Variants in PDLIM5 observed in about 807,000 individuals in gnomAD.
The protein encoded by PDLIM5 is PDZ and LIM domain protein 5.
A neutral mutation model predicts 64.2 loss-of-function variants in PDLIM5; 34 were observed. The ratio of observed to expected loss-of-function variants is 0.53; its 90% CI spans 0.40 to 0.71. The LOEUF (loss-of-function observed/expected upper bound fraction) is 0.71, where lower values mean the gene tolerates loss of function less well. Among genes scored for constraint, PDLIM5 ranks in the 30% least tolerant of loss-of-function variants. The pLI is 0.00. For synonymous variants in PDLIM5, 253 were observed against 269.1 expected (o/e 0.94, Z 0.59); for missense variants, 683 against 733.6 (o/e 0.93, Z 0.80).
chr4:94,528,053 G>A (rs913565820), intron 3 of PDLIM5, among the ~76,000 whole-genome samples: 1 of 152,116 alleles, frequency 6.6e-6, no homozygotes, highest in Non-Finnish European at 1.5e-5. Flanking sequence ...TTGTAATCGA[G>A]TCCTCCTCAC....
Position 94,654,606 on chromosome 4 carries a change from CT to C in PDLIM5, c.1431del (p.Glu478AsnfsTer17). ...CTGTGCTATGAGAAATTCTTTGCCC[CT>C]GAATGTGGTCGATGCCAAAGGAAGA... ...CELCYEKFFA[P>X]ECGRCQRKIL... On this transcript the variant is annotated frameshift_variant, in exon 10 of 13. Coordinates refer to ENST00000317968, the MANE Select transcript of PDLIM5 (RefSeq NM_006457.5). LOFTEE classifies it high-confidence loss of function. 1 of 1,612,498 alleles carries C rather than the reference CT, an allele frequency of 6.2e-7. No individual in the cohort carries two copies. The highest frequency in any genetic ancestry group is 8.5e-7 in the Non-Finnish European group (1 of 1,178,706).
At chr4:94,468,051 G>A (rs1724529374) in intron 2 of PDLIM5, among the ~76,000 whole-genome samples, 2 of 152,206 alleles carry the variant, frequency 1.3e-5, no homozygotes, top group Admixed American at 6.5e-5. Context: ...CCAATGCAAA[G>A]TTTTAATTAT....
At chr4:94,539,297 C>T (rs1032420) in intron 3 of PDLIM5, among the ~76,000 whole-genome samples, 78,787 of 151,896 alleles carry the variant, frequency 0.52, 21,446 homozygotes, top group African/African-American at 0.68. Context: ...ATTCATACCC[C>T]GAATTCATTT....
At chr4:94,605,770 G>A (rs1737865737) in intron 7 of PDLIM5, among the ~76,000 whole-genome samples, 1 of 151,972 alleles carries the variant, frequency 6.6e-6, no homozygotes, top group Non-Finnish European at 1.5e-5. Context: ...TGATTTATAT[G>A]AAATTTATTC....
At chr4:94,631,066 T>TC (rs1740110112) in intron 8 of PDLIM5, among the ~76,000 whole-genome samples, 1 of 69,380 alleles carries the variant, frequency 1.4e-5, no homozygotes, top group Non-Finnish European at 2.7e-5. Flanking sequence ...CATGCCAAAC[T>TC]TTTTTTTTTT....
At chr4:94,600,611 C>T (rs1232599597) in intron 7 of PDLIM5, among the ~76,000 whole-genome samples, 1 of 152,036 alleles carries the variant, frequency 6.6e-6, no homozygotes, top group Non-Finnish European at 1.5e-5. Context: ...TACAAAATGG[C>T]AGATTTTTGT....
At chr4:94,530,175 C>T (rs1730736868) in intron 3 of PDLIM5, among the ~76,000 whole-genome samples, 1 of 152,210 alleles carries the variant, frequency 6.6e-6, no homozygotes, top group East Asian at 1.9e-4. Flanking sequence ...AAAATGAGGT[C>T]ATGGGTGATT....
At chr4:94,598,624 T>C (rs781070990) in intron 7 of PDLIM5, among the ~76,000 whole-genome samples, 3 of 152,150 alleles carry the variant, frequency 2.0e-5, no homozygotes, top group Non-Finnish European at 4.4e-5. Context: ...CAAATGTTTA[T>C]GAGGCACTTA....
chr4:94,501,958 G>A (rs1467277913), intron 2 of PDLIM5, among the ~76,000 whole-genome samples: 1 of 152,204 alleles, frequency 6.6e-6, no homozygotes, highest in Non-Finnish European at 1.5e-5. Context: ...GGTTCAGTAG[G>A]AGAACTGCAG....
chr4:94,455,129 C>G (rs1292177304), intron 1 of PDLIM5, 118 bp from the exon 2 acceptor site: 1 of 508,832 alleles, frequency 2.0e-6, no homozygotes, highest in African/African-American at 1.9e-5. Flanking sequence ...TAATGAAGAA[C>G]TTAATTAAGA....
In PDLIM5 at chr4:94,530,415, T is replaced by C. The variant is rs546918202; in HGVS notation, c.248+6540T>C. Among the ~76,000 whole-genome samples the C allele has an allele frequency of 1.6e-4, 25 of 152,020 alleles. 1 individual carries two copies. In the South Asian group the frequency reaches 4.1e-3, roughly 25 times the overall value. On this transcript the variant is annotated intron_variant, in intron 3 of 12. Transcript: ENST00000317968. Reference sequence around the variant, plus strand: ...ACTTTAAGGTGAAAGGTAGGTCAGATGGGTATGCAAGCATCATTTATTCAT... The same window carrying C: ...ACTTTAAGGTGAAAGGTAGGTCAGACGGGTATGCAAGCATCATTTATTCAT...
chr4:94,524,459 A>C (rs1194772857), intron 3 of PDLIM5, among the ~76,000 whole-genome samples: 2 of 151,706 alleles, frequency 1.3e-5, no homozygotes, highest in Non-Finnish European at 1.5e-5. Flanking sequence ...CAGGCTAAGA[A>C]TTCTTTCTGT....
chr4:94,544,297 A>C (rs1338361044), intron 3 of PDLIM5, among the ~76,000 whole-genome samples: 1 of 152,162 alleles, frequency 6.6e-6, no homozygotes, highest in Admixed American at 6.5e-5. Context: ...CCCTTTTCCC[A>C]AATAGGTTAC....
intron 2 of PDLIM5, among the ~76,000 whole-genome samples, chr4:94,472,934 G>A (rs11097429): frequency 0.019 from 2,952 of 152,254 alleles, 75 homozygotes; most frequent in African/African-American, 0.061. Context: ...CAAAGTCTGT[G>A]CCCTCTCAAA....
chr4:94,462,232 G>A (rs999858997), intron 2 of PDLIM5, among the ~76,000 whole-genome samples: 1 of 152,132 alleles, frequency 6.6e-6, no homozygotes, highest in Non-Finnish European at 1.5e-5. Flanking sequence ...AGGGGGAAAT[G>A]TCTCCTGGTG....
chr4:94,466,168 A>T (rs571171635), intron 2 of PDLIM5, among the ~76,000 whole-genome samples: 9 of 152,064 alleles, frequency 5.9e-5, no homozygotes, highest in South Asian at 2.1e-4. Flanking sequence ...GGGTCTCATT[A>T]TGTTGCCCAG....
intron 2 of PDLIM5, among the ~76,000 whole-genome samples, chr4:94,500,826 C>T (rs1727846871): frequency 6.6e-6 from 1 of 151,974 alleles, no homozygotes; most frequent in African/African-American, 2.4e-5. Flanking sequence ...GGCTGTCTCC[C>T]AAGCTGGAGT....
intron 3 of PDLIM5, among the ~76,000 whole-genome samples, chr4:94,536,772 A>G (rs1731356017): frequency 6.6e-6 from 1 of 152,164 alleles, no homozygotes; most frequent in African/African-American, 2.4e-5. Context: ...CCAGATAAAC[A>G]TTTTTGTCCA....
intron 2 of PDLIM5, among the ~76,000 whole-genome samples, chr4:94,488,306 A>G (rs1210071910): frequency 3.3e-5 from 5 of 152,204 alleles, no homozygotes; most frequent in Non-Finnish European, 5.9e-5. Flanking sequence ...TGTTCCTTTA[A>G]TGGTGCTTAT....
Sources: allele counts gnomAD v4.1 joint callset (sites outside exome capture counted in the v4.1 genomes callset), GRCh38; gene constraint gnomAD v4.1.1; transcripts MANE v1.5; gene names NCBI Gene and HGNC (gene_info 2026-07-23, HGNC 2026-07-21).